FN1: variants seen among roughly 807,000 people sequenced by gnomAD.
FN1 encodes fibronectin.
A neutral mutation model predicts 297.3 loss-of-function variants in FN1; 106 were observed. That is an observed-to-expected ratio of 0.36 (90% confidence interval 0.30 to 0.42). The LOEUF (loss-of-function observed/expected upper bound fraction) is 0.42. Among genes scored for constraint, FN1 ranks in the 10% least tolerant of loss-of-function variants. FN1 has a pLI of 1.00. For synonymous variants in FN1, 1,149 were observed against 1,152.6 expected, an observed-to-expected ratio of 1.00 and a Z score of 0.06; for missense variants, 2,690 against 3,124.9, an observed-to-expected ratio of 0.86 and a Z score of 3.32.
At chr2:215,386,989 A>G in intron 27 of FN1, 31 bp from the exon 28 acceptor site, 1 of 1,585,274 alleles carries the variant, frequency 6.3e-7, no homozygotes, top group East Asian at 2.3e-5. Flanking sequence ...AGGAAGAGAA[A>G]AAAAAAAGAA....
intron 1 of FN1, among the ~76,000 whole-genome samples, chr2:215,435,188 G>T (rs1575938416): frequency 6.6e-6 from 1 of 152,108 alleles, no homozygotes; most frequent in African/African-American, 2.4e-5. Context: ...CCCTAAAGAG[G>T]TCTGAACCAA....
At chr2:215,422,346 C>T in intron 9 of FN1, 103 bp from the exon 10 acceptor site, 3 of 1,165,946 alleles carry the variant, frequency 2.6e-6, no homozygotes, top group Non-Finnish European at 3.9e-6. Context: ...TAAGAATTCT[C>T]ACTTGGGAAG....
chr2:215,425,957 G>A (rs985266245), intron 6 of FN1, among the ~76,000 whole-genome samples: 2 of 152,032 alleles, frequency 1.3e-5, no homozygotes, highest in East Asian at 1.9e-4. Context: ...CTGAGTAACC[G>A]AGCTCATCAG....
At chr2:215,430,050 AG>A (rs1357522692) in intron 5 of FN1, among the ~76,000 whole-genome samples, 1 of 152,242 alleles carries the variant, frequency 6.6e-6, no homozygotes, top group African/African-American at 2.4e-5. Flanking sequence ...TTGTTAGCAA[AG>A]AATTTGAATT....
rs758050636 is a variant in FN1, at chr2:215,404,456, G to A, written c.3186C>T (p.Tyr1062=). The change falls in exon 20 of 46, where the codon TAC becomes TAT. Residue 1062 remains tyrosine (Y), a synonymous_variant. Transcript: ENST00000354785. The stretch of plus-strand genomic sequence containing the variant: ...CCTTTATGGCCACGAGGGATACGGT[G>A]TACTCAGATGCAGGCTGCAGATTCC... ...PLRNLQPASE[Y]TVSLVAIKGN... The A allele has an allele frequency of 2.5e-6, 4 of 1,614,110 alleles. No individual in the cohort carries two copies. The highest frequency in any genetic ancestry group is 2.2e-5 in the East Asian group (1 of 44,880).
intron 31 of FN1, among the ~76,000 whole-genome samples, chr2:215,382,919 C>A (rs1271075423): frequency 6.6e-6 from 1 of 151,658 alleles, no homozygotes; most frequent in African/African-American, 2.4e-5. Context: ...ATAGTACTCA[C>A]AACAAGGTAG....
At position 215,366,813 on chromosome 2, in the gene FN1, AAACAT is replaced by A. The variant is rs907721335; in HGVS notation, c.7018+1045_7018+1049del. The stretch of plus-strand genomic sequence containing the variant: ...GCACCTAAGTGCTCAAACAGGTAAT[AAACAT>A]ACAAACTTAAACGTAGTTCGATTTC... On this transcript the variant is annotated intron_variant, in intron 42 of 45. Coordinates refer to ENST00000354785, the MANE Select transcript of FN1 (RefSeq NM_212482.4). Among the ~76,000 whole-genome samples the A allele has an allele frequency of 8.5e-3, 1,289 of 152,344 alleles. 20 individuals are homozygous for A. Among genetic ancestry groups the A allele is most frequent in the African/African-American group, 0.03 (1,246 of 41,580 alleles).
rs375792347 is a variant in FN1 at position 215,433,327 on chromosome 2, C to A, written c.412G>T (p.Ala138Ser). 1.2e-6 allele frequency: 2 copies of A among 1,614,092 alleles called. No individual in the cohort carries two copies. The highest frequency in any genetic ancestry group is 1.7e-6 in the Non-Finnish European group (2 of 1,179,980). Reference sequence around the variant, plus strand: ...TTTTACACAATCTCTTCCTTACTTGCGATGGTACAGCTTATTCTCCCTCGC... The same window carrying A: ...TTTTACACAATCTCTTCCTTACTTGAGATGGTACAGCTTATTCTCCCTCGC... ...AGRGRISCTI[A>S]NRCHEGGQSY... The change falls in exon 3 of 46, where the codon GCA becomes TCA. Residue 138 changes from alanine to serine, a missense_variant. Physicochemically the swap from Ala to Ser is moderately conservative, Grantham distance 99. Around this residue, in one of 3 missense-constraint regions of FN1, gnomAD observed 876 missense variants for 1,058.1 expected, o/e 0.83. Transcript: ENST00000354785.
chr2:215,416,650 C>T (rs893090721), intron 12 of FN1, among the ~76,000 whole-genome samples: 9 of 152,106 alleles, frequency 5.9e-5, no homozygotes, highest in Non-Finnish European at 1.5e-5. Context: ...TTTATTTAGT[C>T]TTGTCAATCA....
At position 215,374,539 on chromosome 2, in the gene FN1, C is replaced by T. The variant is rs1023449705; in HGVS notation, c.6157+675G>A. ...TCCTGTGTGCTTCTCTCTCCTGCTG[C>T]CATGTAAGACATGCCTGCTTTTCCT... On this transcript the variant is annotated intron_variant, in intron 38 of 45. Coordinates refer to ENST00000354785, the MANE Select transcript of FN1 (RefSeq NM_212482.4). Among the ~76,000 whole-genome samples the T allele has an allele frequency of 7.2e-5, 11 of 152,224 alleles. No individual in the cohort carries two copies. The East Asian group carries it at 2.1e-3, about 29-fold the overall frequency.
intron 20 of FN1, among the ~76,000 whole-genome samples, chr2:215,401,156 TAAG>T (rs1559473526): frequency 8.0e-6 from 1 of 125,628 alleles, no homozygotes; most frequent in African/African-American, 3.0e-5. Flanking sequence ...GCACCAAAAA[TAAG>T]AAAGAAAGAA....
In FN1 at chr2:215,384,466, C is replaced by T. The variant is rs2058645547; in HGVS notation, c.4730-282G>A. 6.3e-6 allele frequency: 3 copies of T among 479,810 alleles called. No individual in the cohort carries two copies. In the South Asian group the frequency reaches 8.0e-5, roughly 13 times the overall value. 29.7% of individuals were successfully genotyped at this position (479,810 alleles called of 1,614,324 possible). A position where few individuals can be genotyped will look rare whatever the true frequency, so the allele number is the denominator to read the frequency against. ...GCATTAGAAGTGGGAGAAGGTAAGC[C>T]CTCAACCCAGGATTGCATGCATTGT... On this transcript the variant is annotated intron_variant, in intron 29 of 45. Transcript: ENST00000354785.
rs537908449 is a variant in FN1, at chr2:215,387,991, C to T, written c.4342+221G>A. Among the ~76,000 whole-genome samples, 343 of 152,228 alleles carry T rather than the reference C, an allele frequency of 2.3e-3. 1 individual carries two copies. Among genetic ancestry groups the T allele is most frequent in the African/African-American group, 7.7e-3 (319 of 41,542 alleles). On this transcript the variant is annotated intron_variant, in intron 27 of 45. Transcript: ENST00000354785. ...AGAAAATGTTTTTTAAAAGGACAGA[C>T]AACAAATTTCTTAATTTGTTAGTGA...
Position 215,401,259 on chromosome 2 carries a change from A to AAAGAAAAAAAGAAAGAAAGAAAGAAAGG in FN1, c.3254-1909_3254-1908insCCTTTCTTTCTTTCTTTCTTTTTTTCTT, listed in dbSNP as rs1187788957. On this transcript the variant is annotated intron_variant, in intron 20 of 45. Coordinates refer to ENST00000354785, the MANE Select transcript of FN1 (RefSeq NM_212482.4). ...GAAAGAAAGAAAGAAAGGAAGAAAGAAAGGAAGGAAAGGAAAGGAAAGGAA... is the reference window on the plus strand; with the variant it reads ...GAAAGAAAGAAAGAAAGGAAGAAAGAAAGAAAAAAAGAAAGAAAGAAAGAAAGGAAGGAAGGAAAGGAAAGGAAAGGAA... 4.3e-4 allele frequency among the ~76,000 whole-genome samples: 35 copies of AAAGAAAAAAAGAAAGAAAGAAAGAAAGG among 81,746 alleles called. 2 individuals carry two copies. Among genetic ancestry groups the AAAGAAAAAAAGAAAGAAAGAAAGAAAGG allele is most frequent in the African/African-American group, 1.6e-3 (33 of 20,698 alleles). The allele number at this position is 81,746 out of a possible 152,430, so 53.6% of individuals were successfully genotyped here.
chr2:215,427,617 G>C (rs979495659), intron 6 of FN1, among the ~76,000 whole-genome samples: 3 of 152,124 alleles, frequency 2.0e-5, no homozygotes, highest in African/African-American at 7.2e-5. Context: ...GGAAATAATT[G>C]TGTGTTACTT....
chr2:215,419,317 C>T lies in FN1; in HGVS notation c.1744G>A (p.Gly582Ser), dbSNP rs1239392388. The T allele has an allele frequency of 1.2e-6, 2 of 1,612,422 alleles. No individual in the cohort carries two copies. The highest frequency in any genetic ancestry group is 2.2e-5 in the South Asian group (2 of 91,054). Residue 582 changes from glycine to serine, a missense_variant, in exon 12 of 46, where the codon GGT becomes AGT. By Grantham distance (56) the Gly-to-Ser change is moderately conservative (BLOSUM62 0). Around this residue, in one of 3 missense-constraint regions of FN1, gnomAD observed 876 missense variants for 1,058.1 expected, o/e 0.83. Transcript: ENST00000354785. ...TAGCAGTAGCACTGGTATCTGACAC[C>T]ATGCACATACTTCTCCCATGAATCT... ...IGDSWEKYVHGVRYQCYCYGR... is the reference protein window; with the variant it reads ...IGDSWEKYVHSVRYQCYCYGR...
chr2:215,372,392 A>G lies in FN1; in HGVS notation c.6248-17T>C. 2 of 1,606,592 alleles carry G rather than the reference A, an allele frequency of 1.2e-6. No homozygotes were observed. The highest frequency in any genetic ancestry group is 1.3e-5 in the African/African-American group (1 of 74,900). ...GAAGCTCGTCTAGCCGAGAGAGGTTAGAGCCAAAAAAGCAAAGCGCATTAA... is the reference window on the plus strand; with the variant it reads ...GAAGCTCGTCTAGCCGAGAGAGGTTGGAGCCAAAAAAGCAAAGCGCATTAA... On this transcript the variant is annotated splice_polypyrimidine_tract_variant and intron_variant, in intron 39 of 45. Coordinates refer to ENST00000354785, the MANE Select transcript of FN1 (RefSeq NM_212482.4).
chr2:215,371,866 T>C (rs750951231), intron 40 of FN1, 43 bp downstream of exon 40: 1 of 1,548,666 alleles, frequency 6.5e-7, no homozygotes, highest in Non-Finnish European at 8.9e-7. Context: ...AACTTATTCC[T>C]TTCTGTGCTG....
intron 38 of FN1, among the ~76,000 whole-genome samples, chr2:215,374,102 G>A (rs1202004364): frequency 6.6e-6 from 1 of 152,132 alleles, no homozygotes; most frequent in Non-Finnish European, 1.5e-5. Context: ...TTATATACAT[G>A]AATCTACTTA....
Sources: allele counts gnomAD v4.1 joint callset (sites outside exome capture counted in the v4.1 genomes callset), GRCh38; gene constraint gnomAD v4.1.1; regional missense constraint gnomAD v4.1.1; transcripts MANE v1.5; gene names NCBI Gene and HGNC (gene_info 2026-07-23, HGNC 2026-07-21).